PCDHGA4: variants seen among roughly 807,000 people sequenced by gnomAD.
The protein encoded by PCDHGA4 is protocadherin gamma subfamily A, 4.
A neutral mutation model predicts 54.6 loss-of-function variants in PCDHGA4; 38 were observed. That is an observed-to-expected ratio of 0.70 (90% CI 0.54 to 0.91). PCDHGA4 has a LOEUF of 0.91. Ranked by LOEUF, PCDHGA4 falls within the 40% of genes least tolerant of loss-of-function variation. PCDHGA4 has a pLI of 0.00. For missense variants in PCDHGA4, 1,298 were observed against 1,220.9 expected (o/e 1.06, Z -0.94); for synonymous variants, 511 against 512.9 (o/e 1.00, Z 0.05).
chr5:141,372,729 G>T, intron 1 of PCDHGA4: 1 of 1,613,602 alleles, frequency 6.2e-7, no homozygotes. Context: ...TGCACCACAA[G>T]ATCTTCTATG....
At chr5:141,425,413 T>G (rs2096873899) in intron 1 of PCDHGA4, among the ~76,000 whole-genome samples, 1 of 152,202 alleles carries the variant, frequency 6.6e-6, no homozygotes, top group African/African-American at 2.4e-5. Context: ...AGGTATAACA[T>G]ATAGTCCCAT....
At chr5:141,404,601 T>G (rs2094545274) in intron 1 of PCDHGA4, 2 of 1,614,056 alleles carry the variant, frequency 1.2e-6, no homozygotes, top group Admixed American at 1.7e-5. Context: ...TCATTGAGAC[T>G]GTTTGTTTTG....
intron 1 of PCDHGA4, chr5:141,385,140 G>T: frequency 1.9e-6 from 3 of 1,614,190 alleles, no homozygotes; most frequent in Non-Finnish European, 2.5e-6. Context: ...ACGGGGTGCA[G>T]GCTTTCCTGC....
chr5:141,405,459 A>G (rs553327050), intron 1 of PCDHGA4: 1 of 1,229,452 alleles, frequency 8.1e-7, no homozygotes, highest in African/African-American at 1.5e-5. Context: ...TTACTCTGTT[A>G]CCCAGGCTGG....
intron 1 of PCDHGA4, chr5:141,393,352 T>G: frequency 1.2e-6 from 2 of 1,613,956 alleles, no homozygotes; most frequent in African/African-American, 2.7e-5. Context: ...CACTTCTCCC[T>G]GGACGTGCAG....
At chr5:141,395,972 A>G (rs974737736) in intron 1 of PCDHGA4, 1 of 152,218 alleles carries the variant, frequency 6.6e-6, no homozygotes, top group African/African-American at 2.4e-5. Flanking sequence ...CAAAAACATT[A>G]GATCTGAATT....
intron 1 of PCDHGA4, chr5:141,478,480 G>T: frequency 2.5e-6 from 4 of 1,613,564 alleles, no homozygotes; most frequent in Non-Finnish European, 3.4e-6. Flanking sequence ...GCCAGAACAC[G>T]CTGCGGAGCT....
intron 1 of PCDHGA4, chr5:141,394,634 C>T (rs764703837): frequency 2.5e-6 from 4 of 1,613,328 alleles, no homozygotes; most frequent in Non-Finnish European, 1.7e-6. Flanking sequence ...TGTCCTACCG[C>T]CTGCTCAAGG....
chr5:141,504,824 C>T (rs537283013), intron 2 of PCDHGA4, among the ~76,000 whole-genome samples: 4 of 152,230 alleles, frequency 2.6e-5, no homozygotes, highest in South Asian at 4.1e-4. Context: ...TAGGTCCCCA[C>T]TTTTTCTCTA....
intron 1 of PCDHGA4, chr5:141,478,265 G>A: frequency 6.2e-7 from 1 of 1,614,196 alleles, no homozygotes; most frequent in African/African-American, 1.3e-5. Context: ...CATATTCAAA[G>A]TTTACAAGTG....
chr5:141,370,731 C>T (rs757565497), intron 1 of PCDHGA4: 6 of 1,613,798 alleles, frequency 3.7e-6, no homozygotes, highest in Non-Finnish European at 5.1e-6. Context: ...TGCTGAAAAG[C>T]CTTTAAACTT....
chr5:141,442,321 C>G (rs1323525940), intron 1 of PCDHGA4: 1 of 152,360 alleles, frequency 6.6e-6, no homozygotes, highest in African/African-American at 2.4e-5. Context: ...ATGTCTATCC[C>G]GCGCTAAGCC....
intron 1 of PCDHGA4, chr5:141,362,297 C>T: frequency 1.2e-6 from 2 of 1,614,082 alleles, no homozygotes; most frequent in African/African-American, 1.3e-5. Flanking sequence ...TCTTCCAGGT[C>T]AGATGCTTGG....
chr5:141,476,868 C>T lies in PCDHGA4; in HGVS notation c.2515-17939C>T, dbSNP rs1213404395. On this transcript the variant is annotated intron_variant, in intron 1 of 3. Coordinates refer to ENST00000571252, the MANE Select transcript of PCDHGA4 (RefSeq NM_018917.4). This position sits in a 1 kb window ranked among gnomAD's most constrained non-coding sequence, Gnocchi z 7.6. ...GTCTTCAACCAGTCCTTGTACCGGG[C>T]GCGCGTCCTGGAGGATGCACCCTCC... 3 of 1,613,874 alleles carry T rather than the reference C, an allele frequency of 1.9e-6. No individual in the cohort carries two copies. Among genetic ancestry groups the T allele is most frequent in the Admixed American group, 3.3e-5 (2 of 60,026 alleles).
At chr5:141,375,221 G>C (rs1299495432) in intron 1 of PCDHGA4, 31 of 1,613,820 alleles carry the variant, frequency 1.9e-5, no homozygotes, top group Non-Finnish European at 2.6e-5. Context: ...TGGCCTGAAT[G>C]GCCTGGTAAC....
chr5:141,447,541 A>G (rs2098542324), intron 1 of PCDHGA4, among the ~76,000 whole-genome samples: 1 of 152,218 alleles, frequency 6.6e-6, no homozygotes, highest in Non-Finnish European at 1.5e-5. Flanking sequence ...TTGGGTTTTA[A>G]TGTTATGAGT....
At chr5:141,451,468 C>G (rs2098716484) in intron 1 of PCDHGA4, among the ~76,000 whole-genome samples, 1 of 152,202 alleles carries the variant, frequency 6.6e-6, no homozygotes, top group South Asian at 2.1e-4. Context: ...AGGTCTACCT[C>G]AGTTCCTTGC....
intron 1 of PCDHGA4, chr5:141,372,064 A>G (rs534724571): frequency 1.2e-6 from 2 of 1,613,610 alleles, no homozygotes; most frequent in Non-Finnish European, 1.7e-6. Context: ...GACCGCAACG[A>G]CAATGCACCG....
At chr5:141,376,518 T>G in intron 1 of PCDHGA4, 1 of 1,613,924 alleles carries the variant, frequency 6.2e-7, no homozygotes, top group Non-Finnish European at 8.5e-7. Context: ...GTGAGTTTCT[T>G]TCCGCCTAAG....
Sources: allele counts gnomAD v4.1 joint callset (sites outside exome capture counted in the v4.1 genomes callset), GRCh38; gene constraint gnomAD v4.1.1; non-coding constraint Gnocchi (gnomAD v3.1); transcripts MANE v1.5; gene names NCBI Gene and HGNC (gene_info 2026-07-23, HGNC 2026-07-21).